The following SLC9B2 variants were observed in gnomAD, a reference collection of about 807,000 sequenced individuals.
SLC9B2 encodes the protein solute carrier family 9 member B2.
Under a neutral mutation model 52.2 loss-of-function variants are expected in SLC9B2, and 39 were observed. The observed-to-expected ratio is 0.75, with a 90% confidence interval of 0.58 to 0.98. The LOEUF (loss-of-function observed/expected upper bound fraction) is 0.98, where lower values mean the gene tolerates loss of function less well. Ranked by LOEUF, SLC9B2 falls within the 50% of genes least tolerant of loss-of-function variation. SLC9B2 has a pLI of 0.00. For synonymous variants in SLC9B2, 214 were observed against 227.0 expected (o/e 0.94, Z 0.51); for missense variants, 626 against 637.5 (o/e 0.98, Z 0.19).
rs72943522 is a variant in SLC9B2, at chr4:103,029,554, C to T, written c.1256-671G>A. Among the ~76,000 whole-genome samples the T allele has an allele frequency of 2.1e-3, 321 of 152,180 alleles. 1 individual carries two copies. The highest frequency in any genetic ancestry group is 7.5e-3 in the African/African-American group (312 of 41,518). On this transcript the variant is annotated intron_variant, in intron 10 of 11. Transcript: ENST00000394785. ...TTTCACCATACTGATGTGTACTGGT[C>T]GTACTGGTCCCAATTATCCCTGGTT...
At chr4:103,041,005 G>A (rs1251770894) in intron 9 of SLC9B2, among the ~76,000 whole-genome samples, 3 of 152,184 alleles carry the variant, frequency 2.0e-5, no homozygotes, top group Non-Finnish European at 4.4e-5. Flanking sequence ...AAGTTGTAAT[G>A]AGACAGGTAC....
chr4:103,032,627 C>G (rs1248016292), intron 9 of SLC9B2, among the ~76,000 whole-genome samples: 1 of 152,122 alleles, frequency 6.6e-6, no homozygotes, highest in Non-Finnish European at 1.5e-5. Context: ...GTGGCCTTAG[C>G]TCTAGGTTCC....
Position 103,028,741 on chromosome 4 carries a change from T to G in SLC9B2, c.1392+6A>C. The G allele has an allele frequency of 1.9e-6, 3 of 1,603,228 alleles. No homozygotes were observed. The highest frequency in any genetic ancestry group is 2.6e-6 in the Non-Finnish European group (3 of 1,176,470). ...TTAAAATGCTAAGCCATCCTATCCA[T>G]CATACCTGAACTGTGGCCTTTGGAA... On this transcript the variant is annotated splice_donor_region_variant and intron_variant, in intron 11 of 11. Transcript: ENST00000394785.
chr4:103,058,016 A>G (rs771926392), intron 3 of SLC9B2, 45 bp from the exon 4 acceptor site: 120 of 1,526,638 alleles, frequency 7.9e-5, no homozygotes, highest in Admixed American at 5.0e-4. Flanking sequence ...AAGTTGTCAC[A>G]TGGAGGTTTT....
intron 10 of SLC9B2, among the ~76,000 whole-genome samples, chr4:103,030,595 G>T (rs1257049069): frequency 6.6e-6 from 1 of 152,046 alleles, no homozygotes; most frequent in African/African-American, 2.4e-5. Flanking sequence ...AGTCCGAAAA[G>T]AAGACAAGAG....
intron 8 of SLC9B2, among the ~76,000 whole-genome samples, chr4:103,043,801 T>C (rs1314263299): frequency 6.6e-6 from 1 of 152,218 alleles, no homozygotes; most frequent in Non-Finnish European, 1.5e-5. Context: ...GTAGCCACAT[T>C]ACTTAACCAC....
chr4:103,070,904 C>A (rs1346132294), intron 1 of SLC9B2, among the ~76,000 whole-genome samples: 2 of 151,950 alleles, frequency 1.3e-5, no homozygotes, highest in East Asian at 3.9e-4. Context: ...AGACAGCAAT[C>A]TAAGAGTCAT....
chr4:103,055,803 CTTT>C (rs1400053544), intron 4 of SLC9B2, among the ~76,000 whole-genome samples: 10 of 131,938 alleles, frequency 7.6e-5, no homozygotes, highest in Admixed American at 1.6e-4. Flanking sequence ...ATGCAGAATT[CTTT>C]TTTTTTTTTT....
downstream of SLC9B2, chr4:103,019,803 G>A: frequency 2.0e-6 from 2 of 985,658 alleles, no homozygotes; most frequent in Non-Finnish European, 2.4e-6. Flanking sequence ...CGAGGGTTCT[G>A]GGGTTTCTGG....
intron 4 of SLC9B2, among the ~76,000 whole-genome samples, chr4:103,054,631 A>G (rs1344032572): frequency 6.6e-6 from 1 of 152,218 alleles, no homozygotes; most frequent in Non-Finnish European, 1.5e-5. Context: ...GTGGGTTCCA[A>G]TTAATATTAA....
intron 9 of SLC9B2, among the ~76,000 whole-genome samples, chr4:103,041,100 T>C (rs921487310): frequency 6.6e-6 from 1 of 152,200 alleles, no homozygotes; most frequent in Non-Finnish European, 1.5e-5. Flanking sequence ...AAAATGTTCA[T>C]ATTATTTCAC....
chr4:103,030,233 G>A (rs1440113330), intron 10 of SLC9B2, among the ~76,000 whole-genome samples: 1 of 152,116 alleles, frequency 6.6e-6, no homozygotes, highest in Non-Finnish European at 1.5e-5. Flanking sequence ...GATGTCACTA[G>A]TATAGATAAG....
chr4:103,058,019 G>A, intron 3 of SLC9B2, 48 bp from the exon 4 acceptor site: 1 of 1,500,802 alleles, frequency 6.7e-7, no homozygotes. Flanking sequence ...TTGTCACATG[G>A]AGGTTTTGAC....
intron 4 of SLC9B2, among the ~76,000 whole-genome samples, chr4:103,055,924 C>A (rs1409408217): frequency 6.6e-6 from 1 of 151,616 alleles, no homozygotes; most frequent in Non-Finnish European, 1.5e-5. Flanking sequence ...CTGCCTCAGC[C>A]TCCCGAGTAG....
At chr4:103,045,047 G>A (rs759292866) in intron 7 of SLC9B2, 51 bp from the exon 8 acceptor site, 4 of 1,185,768 alleles carry the variant, frequency 3.4e-6, no homozygotes, top group Non-Finnish European at 5.0e-6. Flanking sequence ...CAAATACACA[G>A]GTTTTATTCC....
At chr4:103,067,349 G>A (rs1746226662) in intron 2 of SLC9B2, 112 bp downstream of exon 2, 1 of 898,284 alleles carries the variant, frequency 1.1e-6, no homozygotes, top group Non-Finnish European at 1.8e-6. Flanking sequence ...ATGTTAGCTG[G>A]GAAAACTGGT....
In SLC9B2 at chr4:103,028,737, T is replaced by C. The variant is rs1199753845; in HGVS notation, c.1392+10A>G. ...GCAGTTAAAATGCTAAGCCATCCTA[T>C]CCATCATACCTGAACTGTGGCCTTT... On this transcript the variant is annotated intron_variant, in intron 11 of 11. Coordinates refer to ENST00000394785, the MANE Select transcript of SLC9B2 (RefSeq NM_178833.7). The C allele has an allele frequency of 1.1e-5, 18 of 1,599,506 alleles. No individual in the cohort carries two copies. Among genetic ancestry groups the C allele is most frequent in the Non-Finnish European group, 1.4e-5 (17 of 1,175,532 alleles).
intron 9 of SLC9B2, among the ~76,000 whole-genome samples, chr4:103,042,985 C>G (rs1743768133): frequency 6.6e-6 from 1 of 151,824 alleles, no homozygotes; most frequent in Admixed American, 6.6e-5. Context: ...TATTGAAGCA[C>G]TGTTTATCTT....
chr4:103,044,140 C>T (rs754885777), intron 8 of SLC9B2, among the ~76,000 whole-genome samples: 1 of 152,188 alleles, frequency 6.6e-6, no homozygotes, highest in Non-Finnish European at 1.5e-5. Context: ...AGGTGAATTA[C>T]CTGAGTTCAT....
Sources: gnomAD v4.1 joint callset for allele counts (sites outside exome capture counted in the v4.1 genomes callset) on GRCh38, gnomAD v4.1.1 for gene constraint, MANE v1.5 for transcripts, NCBI Gene and HGNC (gene_info 2026-07-23, HGNC 2026-07-21) for gene names.